RNFT2: variants seen among roughly 807,000 people sequenced by gnomAD.
RNFT2 encodes E3 ubiquitin-protein ligase RNFT2.
A neutral mutation model predicts 53.0 loss-of-function variants in RNFT2; 36 were observed. The ratio of observed to expected loss-of-function variants is 0.68; its 90% CI spans 0.52 to 0.90. The LOEUF is 0.90. RNFT2 is among the 40% of genes least tolerant of loss of function. The pLI, the probability that RNFT2 is intolerant of heterozygous loss-of-function variation, is 0.00. For missense variants in RNFT2, 514 were observed against 585.6 expected, an observed-to-expected ratio of 0.88 and a Z score of 1.26; for synonymous variants, 260 against 253.2, an observed-to-expected ratio of 1.03 and a Z score of -0.26.
intron 10 of RNFT2, among the ~76,000 whole-genome samples, chr12:116,841,464 ATGAC>A (rs1382133873): frequency 1.3e-5 from 2 of 151,096 alleles, no homozygotes; most frequent in African/African-American, 2.4e-5. Context: ...AAAAAATAAA[ATGAC>A]TGGGCATGGT....
At chr12:116,810,242 C>G (rs1294908610) in intron 7 of RNFT2, among the ~76,000 whole-genome samples, 1 of 152,150 alleles carries the variant, frequency 6.6e-6, no homozygotes, top group East Asian at 1.9e-4. Context: ...CAGTCCCCAG[C>G]AGAGACTTCC....
chr12:116,750,390 T>C lies in RNFT2; in HGVS notation c.550+83T>C, dbSNP rs150642173. On this transcript the variant is annotated intron_variant, in intron 4 of 10. Coordinates refer to ENST00000257575, the MANE Select transcript of RNFT2 (RefSeq NM_001382266.1). ...GCCGGTGGGGTGGGGGCTCCTCCTC[T>C]GAAGCCCAGGGAGAGGCAGCAGAGA... The C allele has an allele frequency of 2.9e-4, 392 of 1,341,894 alleles. 3 individuals are homozygous for C. In the African/African-American group the frequency reaches 5.3e-3, roughly 18 times the overall value. The allele number at this position is 1,341,894 out of a possible 1,614,324, so 83.1% of individuals were successfully genotyped here. A position where few individuals can be genotyped will look rare whatever the true frequency, so the allele number is the denominator to read the frequency against.
At chr12:116,762,064 C>CAAA (rs796440574) in intron 5 of RNFT2, among the ~76,000 whole-genome samples, 64 of 121,614 alleles carry the variant, frequency 5.3e-4, no homozygotes, top group African/African-American at 1.7e-3. Flanking sequence ...GAGACTGTCT[C>CAAA]AAAAAAAAAA....
chr12:116,767,120 T>A (rs952590455), intron 6 of RNFT2, among the ~76,000 whole-genome samples: 1 of 152,226 alleles, frequency 6.6e-6, no homozygotes, highest in Non-Finnish European at 1.5e-5. Flanking sequence ...AATTAACATC[T>A]TCTAGTTACT....
At chr12:116,800,863 A>AAATAAATAAAATAT (rs34964792) in intron 7 of RNFT2, among the ~76,000 whole-genome samples, 1 of 42,586 alleles carries the variant, frequency 2.3e-5, no homozygotes, top group African/African-American at 5.0e-5. Flanking sequence ...TAAAATAAAA[A>AAATAAATAAAATAT]CCATTTAACA....
At chr12:116,744,077 A>C (rs1299246694) in intron 3 of RNFT2, among the ~76,000 whole-genome samples, 1 of 152,050 alleles carries the variant, frequency 6.6e-6, no homozygotes, top group Non-Finnish European at 1.5e-5. Context: ...AAATACAAAA[A>C]TTAGCCAGTG....
chr12:116,852,291 G>A lies in RNFT2; in HGVS notation c.*2843G>A, dbSNP rs903774. 1 of 1,237,138 alleles carries A rather than the reference G, an allele frequency of 8.1e-7. No individual in the cohort carries two copies. Among genetic ancestry groups the A allele is most frequent in the East Asian group, 3.8e-5 (1 of 26,460 alleles). The allele number at this position is 1,237,138 out of a possible 1,614,324, so 76.6% of individuals were successfully genotyped here. ...AATGGAGGAGCTTTGTAGCCACCTC[G>A]CTGTCAGCCAGTATTAACATGTCCC... On this transcript the variant is annotated 3_prime_UTR_variant, in exon 11 of 11. Coordinates refer to ENST00000257575, the MANE Select transcript of RNFT2 (RefSeq NM_001382266.1).
In RNFT2 at chr12:116,851,833, C is replaced by T. The variant is rs1310528144; in HGVS notation, c.*2385C>T. ...GTCAGCTTTGGCCCAGATGTGGTTA[C>T]CCCTTGGTCTCCTGTCTTTATGTCT... On this transcript the variant is annotated 3_prime_UTR_variant, in exon 11 of 11. Coordinates refer to ENST00000257575, the MANE Select transcript of RNFT2 (RefSeq NM_001382266.1). The T allele has an allele frequency of 7.5e-7, 1 of 1,325,866 alleles. No individual in the cohort carries two copies. 82.1% of individuals were successfully genotyped at this position (1,325,866 alleles called of 1,614,324 possible). A position where few individuals can be genotyped will look rare whatever the true frequency, so the allele number is the denominator to read the frequency against.
intron 7 of RNFT2, among the ~76,000 whole-genome samples, chr12:116,789,875 G>A (rs920285753): frequency 2.0e-5 from 3 of 149,850 alleles, no homozygotes; most frequent in Admixed American, 1.3e-4. Flanking sequence ...ATGGGTGGAT[G>A]GGTAAATGGT....
At chr12:116,761,305 C>T (rs144791182) in intron 5 of RNFT2, among the ~76,000 whole-genome samples, 19 of 152,250 alleles carry the variant, frequency 1.2e-4, no homozygotes, top group East Asian at 5.8e-4. Context: ...CACACCACCA[C>T]GCCTAGCTAA....
At chr12:116,829,871 A>T (rs1876547537) in intron 7 of RNFT2, among the ~76,000 whole-genome samples, 1 of 152,114 alleles carries the variant, frequency 6.6e-6, no homozygotes, top group Non-Finnish European at 1.5e-5. Flanking sequence ...GTGAGCCACC[A>T]TGCCCAGACT....
chr12:116,849,232 C>A, intron 10 of RNFT2, 82 bp from the exon 11 acceptor site: 1 of 1,201,314 alleles, frequency 8.3e-7, no homozygotes, highest in South Asian at 1.4e-5. Flanking sequence ...TCTGTCTAGT[C>A]CGCTGCCCCT....
At position 116,740,351 on chromosome 12, in the gene RNFT2, A is replaced by G. The variant is rs1283181704; in HGVS notation, c.-147A>G. The G allele has an allele frequency of 2.9e-6, 2 of 700,346 alleles. No homozygotes were observed. The highest frequency in any genetic ancestry group is 5.0e-6 in the Non-Finnish European group (2 of 398,196). The allele number at this position is 700,346 out of a possible 1,614,324, so 43.4% of individuals were successfully genotyped here. On this transcript the variant is annotated 5_prime_UTR_variant, in exon 2 of 11. Coordinates refer to ENST00000257575, the MANE Select transcript of RNFT2 (RefSeq NM_001382266.1). ...GGTGTTCTGTTCCATCCAGGTTTGG[A>G]GTCTCTGGCAAGCTCCCCTGACTGT...
At chr12:116,827,219 CAA>C (rs753600365) in intron 7 of RNFT2, among the ~76,000 whole-genome samples, 24 of 92,378 alleles carry the variant, frequency 2.6e-4, no homozygotes, top group Admixed American at 3.7e-4. Flanking sequence ...GACTCCATCT[CAA>C]AAAAAAAAAA....
At position 116,750,160 on chromosome 12, in the gene RNFT2, C is replaced by T. The variant is rs1186660404; in HGVS notation, c.403C>T (p.Arg135Trp). 2.5e-6 allele frequency: 4 copies of T among 1,589,720 alleles called. No individual in the cohort carries two copies. Among genetic ancestry groups the T allele is most frequent in the Non-Finnish European group, 3.4e-6 (4 of 1,173,728 alleles). Residue 135 changes from arginine to tryptophan, a missense_variant, in exon 4 of 11, where the codon CGG becomes TGG. Arg to Trp is a moderately radical substitution (Grantham distance 101). Coordinates refer to ENST00000257575, the MANE Select transcript of RNFT2 (RefSeq NM_001382266.1). ...GCTGCAGCACGTGGGTGGGGACCAC[C>T]GGGGGCACTCGGAGGAGGGAGGCGA... Reference protein sequence around the residue: ...SLLQHVGGDHRGHSEEGGDEQ... With the variant: ...SLLQHVGGDHWGHSEEGGDEQ...
At chr12:116,778,691 A>G (rs1205885759) in intron 6 of RNFT2, among the ~76,000 whole-genome samples, 5 of 152,224 alleles carry the variant, frequency 3.3e-5, no homozygotes, top group Admixed American at 2.6e-4. Flanking sequence ...CTCTACTAAA[A>G]ATACAAAAAA....
chr12:116,750,851 A>T lies in RNFT2; in HGVS notation c.550+544A>T, dbSNP rs28457152. Among the ~76,000 whole-genome samples the T allele has an allele frequency of 6.8e-4, 72 of 105,524 alleles. 2 individuals carry two copies. Among genetic ancestry groups the T allele is most frequent in the African/African-American group, 1.9e-3 (48 of 24,696 alleles). 69.2% of individuals were successfully genotyped at this position (105,524 alleles called of 152,430 possible). A position where few individuals can be genotyped will look rare whatever the true frequency, so the allele number is the denominator to read the frequency against. On this transcript the variant is annotated intron_variant, in intron 4 of 10. Coordinates refer to ENST00000257575, the MANE Select transcript of RNFT2 (RefSeq NM_001382266.1). ...TATAATATATATATTATATATATATAATATATATTATATATATATAATATA... is the reference window on the plus strand; with the variant it reads ...TATAATATATATATTATATATATATTATATATATTATATATATATAATATA...
chr12:116,779,871 T>G (rs1042976421), intron 7 of RNFT2, among the ~76,000 whole-genome samples: 3 of 152,112 alleles, frequency 2.0e-5, no homozygotes, highest in Non-Finnish European at 4.4e-5. Context: ...AGGCAGGTGT[T>G]GGAATGAAGA....
chr12:116,809,774 G>A (rs1438323849), intron 7 of RNFT2, among the ~76,000 whole-genome samples: 1 of 152,124 alleles, frequency 6.6e-6, no homozygotes, highest in Non-Finnish European at 1.5e-5. Flanking sequence ...CCGGGTTCAA[G>A]CTATTCTCCT....
Sources: gnomAD v4.1 joint callset for allele counts (sites outside exome capture counted in the v4.1 genomes callset) on GRCh38, gnomAD v4.1.1 for gene constraint, MANE v1.5 for transcripts, NCBI Gene and HGNC (gene_info 2026-07-23, HGNC 2026-07-21) for gene names.